The following FRMD6 variants were observed in gnomAD, a reference collection of about 807,000 sequenced individuals.
FRMD6 encodes the protein FERM domain-containing protein 6.
FRMD6 carries 37 observed loss-of-function variants against 73.2 expected under a neutral mutation model. The ratio of observed to expected loss-of-function variants is 0.51; its 90% CI spans 0.39 to 0.66. FRMD6 has a LOEUF of 0.66. FRMD6 is among the 30% of genes least tolerant of loss of function. The pLI, the probability that FRMD6 is intolerant of heterozygous loss-of-function variation, is 0.00. For missense variants in FRMD6, 714 were observed against 780.5 expected (o/e 0.91, Z 1.02); for synonymous variants, 273 against 282.2 (o/e 0.97, Z 0.33).
intron 2 of FRMD6, among the ~76,000 whole-genome samples, chr14:51,630,580 C>T (rs1891296433): frequency 6.6e-6 from 1 of 152,032 alleles, no homozygotes; most frequent in Non-Finnish European, 1.5e-5. Context: ...ACCCTGTCTC[C>T]ACAAGAAAAT....
intron 2 of FRMD6, among the ~76,000 whole-genome samples, chr14:51,591,168 C>T (rs910063485): frequency 2.0e-5 from 3 of 152,108 alleles, no homozygotes; most frequent in Non-Finnish European, 2.9e-5. Context: ...TTGATCAGGG[C>T]CAAGGCCAGT....
At chr14:51,513,277 A>T (rs1343994255) in intron 1 of FRMD6, among the ~76,000 whole-genome samples, 1 of 152,240 alleles carries the variant, frequency 6.6e-6, no homozygotes, top group Non-Finnish European at 1.5e-5. Context: ...CCCAATGACC[A>T]AAACAGGCTG....
the FRMD6 span, among the ~76,000 whole-genome samples, chr14:51,413,608 G>A: frequency 6.6e-6 from 1 of 152,154 alleles, no homozygotes; most frequent in Non-Finnish European, 1.5e-5. Context: ...GAATAGTGCT[G>A]CAATAAACAT....
intron 1 of FRMD6, among the ~76,000 whole-genome samples, chr14:51,526,642 T>G (rs1296819070): frequency 6.6e-6 from 1 of 152,180 alleles, no homozygotes; most frequent in East Asian, 1.9e-4. Flanking sequence ...CAACCCAACT[T>G]AAGACCCATG....
intron 1 of FRMD6, among the ~76,000 whole-genome samples, chr14:51,505,265 C>T (rs1334153326): frequency 1.3e-5 from 2 of 152,142 alleles, no homozygotes; most frequent in Non-Finnish European, 2.9e-5. Context: ...GAGACAGGGT[C>T]TCCTTATGTT....
chr14:51,670,646 C>CT (rs778547825), intron 1 of FRMD6, among the ~76,000 whole-genome samples: 211 of 143,014 alleles, frequency 1.5e-3, no homozygotes, highest in Non-Finnish European at 2.2e-3. Context: ...TTAGTTAGGT[C>CT]TTTTTTTTTT....
chr14:51,699,338 A>T (rs1397594209), intron 3 of FRMD6, among the ~76,000 whole-genome samples: 2 of 152,106 alleles, frequency 1.3e-5, no homozygotes, highest in African/African-American at 2.4e-5. Context: ...TTCAGGGAAG[A>T]GTCTGAGAGC....
At chr14:51,477,150 G>A in the FRMD6 span, among the ~76,000 whole-genome samples, 2 of 152,208 alleles carry the variant, frequency 1.3e-5, no homozygotes. Flanking sequence ...GACTCACATA[G>A]AGACATAGCT....
intron 1 of FRMD6, among the ~76,000 whole-genome samples, chr14:51,664,783 A>ATTCGCATCATTTTGAATGTTTTT (rs1893456584): frequency 1.3e-5 from 2 of 152,100 alleles, no homozygotes; most frequent in Non-Finnish European, 2.9e-5. Context: ...GCACTGTTTT[A>ATTCGCATCATTTTGAATGTTTTT]TTCGCATCAT....
At position 51,727,908 on chromosome 14, in the gene FRMD6, A is replaced by T. The variant is rs776070676; in HGVS notation, c.1748A>T (p.Tyr583Phe). 1.2e-6 allele frequency: 2 copies of T among 1,614,178 alleles called. No individual in the cohort carries two copies. Among genetic ancestry groups the T allele is most frequent in the South Asian group, 1.1e-5 (1 of 91,090 alleles). ...CATGAACTGGATGAGGAAGGCCTCT[A>T]TTGCAACAGTTGCTTGGCCCAGCAG... ...CGHELDEEGL[Y>F]CNSCLAQQCI... The change falls in exon 14 of 14, where the codon TAT becomes TTT. Residue 583 changes from tyrosine to phenylalanine, a missense_variant. Transcript: ENST00000344768.
chr14:51,687,467 T>C (rs1895244723), intron 1 of FRMD6, among the ~76,000 whole-genome samples: 1 of 152,194 alleles, frequency 6.6e-6, no homozygotes, highest in East Asian at 1.9e-4. Flanking sequence ...TCATGAAATA[T>C]AATATTTGAT....
the FRMD6 span, among the ~76,000 whole-genome samples, chr14:51,417,790 A>G: frequency 1.3e-5 from 2 of 152,176 alleles, no homozygotes; most frequent in South Asian, 2.1e-4. Flanking sequence ...AGGTAAACCA[A>G]TCAAACCTAG....
intron 1 of FRMD6, among the ~76,000 whole-genome samples, chr14:51,550,902 A>G (rs2139435453): frequency 6.6e-6 from 1 of 152,272 alleles, no homozygotes; most frequent in Non-Finnish European, 1.5e-5. Context: ...GTGCATAATG[A>G]ATGCTTTTGA....
intron 1 of FRMD6, chr14:51,554,951 G>A (rs1887045130): frequency 6.6e-6 from 1 of 152,216 alleles, no homozygotes. Context: ...TGGGAACTCT[G>A]TGCTATTTTC....
In FRMD6 at chr14:51,727,857, C is replaced by G; in HGVS notation, c.1697C>G (p.Ala566Gly). The G allele has an allele frequency of 6.2e-7, 1 of 1,614,216 alleles. No homozygotes were observed. The highest frequency in any genetic ancestry group is 8.5e-7 in the Non-Finnish European group (1 of 1,180,028). Residue 566 changes from alanine to glycine, a missense_variant, in exon 14 of 14, where the codon GCT becomes GGT. Ala to Gly is a moderately conservative substitution (Grantham distance 60). Transcript: ENST00000344768. ...LRIAGLCQDT[A>G]QSYTFGCGHE... The stretch of plus-strand genomic sequence containing the variant: ...ATTGCAGGTCTGTGTCAGGACACTG[C>G]TCAGAGTTACACCTTTGGATGTGGC...
chr14:51,501,827 T>G (rs1272505255), intron 1 of FRMD6, among the ~76,000 whole-genome samples: 1 of 152,218 alleles, frequency 6.6e-6, no homozygotes, highest in Non-Finnish European at 1.5e-5. Flanking sequence ...TTGAACTAAT[T>G]TCCACTTCTA....
At chr14:51,715,926 C>A (rs963022497) in intron 10 of FRMD6, among the ~76,000 whole-genome samples, 7 of 152,178 alleles carry the variant, frequency 4.6e-5, no homozygotes, top group Non-Finnish European at 1.0e-4. Context: ...GTGATTATTT[C>A]TTAGGGTTAG....
chr14:51,619,407 A>G (rs1427623166), intron 2 of FRMD6, among the ~76,000 whole-genome samples: 1 of 152,022 alleles, frequency 6.6e-6, no homozygotes, highest in Non-Finnish European at 1.5e-5. Flanking sequence ...AAAGGAAAAG[A>G]AGAAGAAAGG....
intron 2 of FRMD6, among the ~76,000 whole-genome samples, chr14:51,597,832 G>A (rs1009203063): frequency 1.3e-5 from 2 of 152,230 alleles, no homozygotes; most frequent in Non-Finnish European, 2.9e-5. Flanking sequence ...GCCACTGAGA[G>A]TTCTGACTGG....
Sources: allele counts gnomAD v4.1 joint callset (sites outside exome capture counted in the v4.1 genomes callset), GRCh38; gene constraint gnomAD v4.1.1; transcripts MANE v1.5; gene names NCBI Gene and HGNC (gene_info 2026-07-23, HGNC 2026-07-21).